The following ACTR2 variants were observed in gnomAD, a reference collection of about 807,000 sequenced individuals.
ACTR2 encodes the protein actin related protein 2, also known as actin-related protein 2.
ACTR2 carries 5 observed loss-of-function variants against 50.2 expected under a neutral mutation model. The ratio of observed to expected loss-of-function variants is 0.10; its 90% CI spans 0.05 to 0.21. ACTR2 has a LOEUF of 0.21. Among genes scored for constraint, ACTR2 ranks in the 10% least tolerant of loss-of-function variants. The pLI is 1.00. For synonymous variants in ACTR2, 140 were observed against 162.9 expected (o/e 0.86, Z 1.07); for missense variants, 180 against 480.6 (o/e 0.37, Z 5.85).
chr2:65,247,556 C>T (rs1002442997), intron 3 of ACTR2, among the ~76,000 whole-genome samples: 1 of 152,002 alleles, frequency 6.6e-6, no homozygotes, highest in African/African-American at 2.4e-5. Context: ...CCACTGCACT[C>T]CAGCCTGGGC....
chr2:65,252,407 G>A (rs1366313872), intron 4 of ACTR2, among the ~76,000 whole-genome samples: 10 of 150,792 alleles, frequency 6.6e-5, no homozygotes, highest in Non-Finnish European at 3.0e-5. Context: ...TTGGGAGGCC[G>A]AGGTGGGTGG....
intron 1 of ACTR2, among the ~76,000 whole-genome samples, chr2:65,236,139 G>A (rs1436418127): frequency 6.6e-6 from 1 of 152,102 alleles, no homozygotes; most frequent in African/African-American, 2.4e-5. Context: ...AGGAGTTAGA[G>A]ACCAGCCTGG....
intron 1 of ACTR2, 156 bp downstream of exon 1, chr2:65,228,113 C>T: frequency 1.7e-6 from 1 of 588,422 alleles, no homozygotes; most frequent in South Asian, 3.7e-5. Context: ...GGGAGCGAGC[C>T]GGCCGTTCCC....
intron 2 of ACTR2, chr2:65,246,063 C>T (rs1418636846): frequency 6.5e-6 from 1 of 153,344 alleles, no homozygotes; most frequent in African/African-American, 2.4e-5. Flanking sequence ...TTGCTTCTTT[C>T]ATTATGCTTT....
chr2:65,257,623 C>T (rs1049392733), intron 6 of ACTR2, among the ~76,000 whole-genome samples: 9 of 152,176 alleles, frequency 5.9e-5, no homozygotes, highest in African/African-American at 1.7e-4. Context: ...TGTTTCCTGA[C>T]TTTTTAAGGA....
At chr2:65,243,297 A>G (rs1439756808) in intron 2 of ACTR2, among the ~76,000 whole-genome samples, 4 of 150,460 alleles carry the variant, frequency 2.7e-5, no homozygotes, top group Admixed American at 1.3e-4. Context: ...AAAGAAAAGG[A>G]AAGAGTGCGC....
chr2:65,267,326 CAA>C (rs1386309768), intron 8 of ACTR2, among the ~76,000 whole-genome samples: 1 of 151,882 alleles, frequency 6.6e-6, no homozygotes, highest in Non-Finnish European at 1.5e-5. Flanking sequence ...TGGCCCTTCA[CAA>C]AAAAAGTTTG....
intron 2 of ACTR2, among the ~76,000 whole-genome samples, chr2:65,243,785 A>G (rs1225417026): frequency 6.6e-6 from 1 of 152,202 alleles, no homozygotes; most frequent in Non-Finnish European, 1.5e-5. Context: ...CCCACTTTTC[A>G]TGAAGTATAA....
intron 4 of ACTR2, among the ~76,000 whole-genome samples, chr2:65,251,595 A>T (rs1234856330): frequency 1.3e-5 from 2 of 152,152 alleles, no homozygotes; most frequent in African/African-American, 4.8e-5. Context: ...TCCTGACCTC[A>T]GGTAGTCCGC....
intron 4 of ACTR2, among the ~76,000 whole-genome samples, chr2:65,251,527 A>G (rs1672051173): frequency 1.3e-5 from 2 of 152,058 alleles, no homozygotes; most frequent in Non-Finnish European, 2.9e-5. Flanking sequence ...ACACCTGGCT[A>G]ATTTTGTATT....
rs34932093 is a variant in ACTR2 at position 65,238,655 on chromosome 2, TAA to T, written c.49-1179_49-1178del. ...CCCTGGGCGACAGAGCGAGACTGTC[TAA>T]AAAAAAAAAAAAAAAAAGTAAATAG... is the stretch of plus-strand genomic sequence containing the variant. On this transcript the variant is annotated intron_variant, in intron 1 of 8. Transcript: ENST00000260641. 5.2e-4 allele frequency among the ~76,000 whole-genome samples: 56 copies of T among 107,816 alleles called. 1 individual carries two copies. The highest frequency in any genetic ancestry group is 5.0e-4 in the Non-Finnish European group (26 of 52,088). The allele number at this position is 107,816 out of a possible 152,430, so 70.7% of individuals were successfully genotyped here. A position where few individuals can be genotyped will look rare whatever the true frequency, so the allele number is the denominator to read the frequency against.
Position 65,236,596 on chromosome 2 carries a change from T to G in ACTR2, c.49-3256T>G, listed in dbSNP as rs570472973. 9.9e-4 allele frequency among the ~76,000 whole-genome samples: 151 copies of G among 152,208 alleles called. 1 individual carries two copies. The Middle Eastern group carries it at 0.024, about 24-fold the overall frequency. ...GTTTTGTTTTGTTTTGTTTTGTTTT[T>G]TTTGAGACAGGTCTCATTCTGTTGC... is the stretch of plus-strand genomic sequence containing the variant. On this transcript the variant is annotated intron_variant, in intron 1 of 8. Coordinates refer to ENST00000260641, the MANE Select transcript of ACTR2 (RefSeq NM_005722.4).
intron 3 of ACTR2, among the ~76,000 whole-genome samples, chr2:65,250,727 C>T (rs1475510240): frequency 6.7e-6 from 1 of 148,634 alleles, no homozygotes; most frequent in Non-Finnish European, 1.5e-5. Context: ...TTAAGAAAGT[C>T]TTGTTCAATA....
rs1434903449 is a variant in ACTR2 at position 65,255,550 on chromosome 2, T to C, written c.591T>C (p.Leu197=). 1 of 1,613,388 alleles carries C rather than the reference T, an allele frequency of 6.2e-7. No homozygotes were observed. The highest frequency in any genetic ancestry group is 1.3e-5 in the African/African-American group (1 of 75,038). ...TTGCTATTGTTTTGTACCAGCTACT[T>C]CTGTTGCGAGGATACGCCTTCAACC... ...RDITRYLIKL[L]LLRGYAFNHS... The change falls in exon 6 of 9, where the codon CTT becomes CTC. Residue 197 remains leucine, a synonymous_variant. Transcript: ENST00000260641.
At chr2:65,268,466 G>C (rs921471627) in intron 8 of ACTR2, 98 bp from the exon 9 acceptor site, 2 of 1,070,388 alleles carry the variant, frequency 1.9e-6, no homozygotes, top group African/African-American at 3.2e-5. Context: ...CAGGACTGTT[G>C]CAAGTTTGAG....
At chr2:65,231,339 G>A (rs1671634557) in intron 1 of ACTR2, among the ~76,000 whole-genome samples, 1 of 152,138 alleles carries the variant, frequency 6.6e-6, no homozygotes, top group Non-Finnish European at 1.5e-5. Context: ...TAGAGGACTA[G>A]GAACCGCTTA....
chr2:65,249,004 C>T (rs1391933031), intron 3 of ACTR2, among the ~76,000 whole-genome samples: 1 of 150,682 alleles, frequency 6.6e-6, no homozygotes, highest in Non-Finnish European at 1.5e-5. Flanking sequence ...CAGAGCGAGA[C>T]TCTGTCTCAA....
chr2:65,253,103 A>G (rs187426737), intron 4 of ACTR2, among the ~76,000 whole-genome samples: 4 of 152,232 alleles, frequency 2.6e-5, no homozygotes, highest in Admixed American at 2.0e-4. Flanking sequence ...AGTATATTCA[A>G]AACTATCTAA....
chr2:65,232,213 G>C (rs544864763), intron 1 of ACTR2, among the ~76,000 whole-genome samples: 103 of 152,308 alleles, frequency 6.8e-4, no homozygotes, highest in African/African-American at 2.5e-3. Context: ...CTGGTGTTAC[G>C]TGTCTTGTTA....
Sources: gnomAD v4.1 joint callset for allele counts (sites outside exome capture counted in the v4.1 genomes callset) on GRCh38, gnomAD v4.1.1 for gene constraint, MANE v1.5 for transcripts, NCBI Gene and HGNC (gene_info 2026-07-23, HGNC 2026-07-21) for gene names.